Variants in PRKCA observed in about 807,000 individuals in gnomAD.
The protein encoded by PRKCA is protein kinase C alpha type.
Under a neutral mutation model 87.0 loss-of-function variants are expected in PRKCA, and 27 were observed. The observed-to-expected ratio is 0.31, with a 90% CI of 0.23 to 0.43. PRKCA has a LOEUF of 0.43. Among genes scored for constraint, PRKCA ranks in the 20% least tolerant of loss-of-function variants. The pLI, the probability that PRKCA is intolerant of heterozygous loss-of-function variation, is 1.00. For synonymous variants in PRKCA, 329 were observed against 311.1 expected, an observed-to-expected ratio of 1.06 and a Z score of -0.61; for missense variants, 518 against 852.3, an observed-to-expected ratio of 0.61 and a Z score of 4.88.
chr17:66,550,541 C>A (rs1209413910), intron 3 of PRKCA, among the ~76,000 whole-genome samples: 1 of 151,928 alleles, frequency 6.6e-6, no homozygotes, highest in Non-Finnish European at 1.5e-5. Flanking sequence ...CTCAGCTACT[C>A]GGGAGGCTGA....
intron 3 of PRKCA, among the ~76,000 whole-genome samples, chr17:66,591,848 T>C (rs1195656652): frequency 6.6e-6 from 1 of 152,062 alleles, no homozygotes; most frequent in Non-Finnish European, 1.5e-5. Context: ...AACCTAAACA[T>C]AACCATGTTG....
intron 2 of PRKCA, among the ~76,000 whole-genome samples, chr17:66,413,588 C>T (rs908166573): frequency 2.9e-4 from 44 of 152,172 alleles, no homozygotes; most frequent in Non-Finnish European, 5.9e-5. Context: ...CCAAGTGTCG[C>T]CTCATTAGAA....
intron 3 of PRKCA, among the ~76,000 whole-genome samples, chr17:66,506,750 A>T (rs1305473090): frequency 2.0e-5 from 3 of 152,046 alleles, no homozygotes; most frequent in Non-Finnish European, 2.9e-5. Flanking sequence ...CACTATTTGG[A>T]ATTTAGTTTA....
intron 2 of PRKCA, among the ~76,000 whole-genome samples, chr17:66,453,609 C>T (rs1287057554): frequency 3.9e-5 from 6 of 152,126 alleles, no homozygotes; most frequent in South Asian, 2.1e-4. Flanking sequence ...TGAGCCACTG[C>T]GCCCAGCCCC....
At chr17:66,432,742 AAGTGATACCACC>A (rs995611163) in intron 2 of PRKCA, among the ~76,000 whole-genome samples, 2 of 152,126 alleles carry the variant, frequency 1.3e-5, no homozygotes, top group African/African-American at 4.8e-5. Flanking sequence ...TTGATTGAAT[AAGTGATACCACC>A]AGTGCACTGA....
Position 66,804,100 on chromosome 17 carries a change from C to A in PRKCA, c.*63C>A. 6.5e-7 allele frequency: 1 copy of A among 1,546,604 alleles called. No homozygotes were observed. The highest frequency in any genetic ancestry group is 1.4e-5 in the African/African-American group (1 of 72,874). On this transcript the variant is annotated 3_prime_UTR_variant, in exon 17 of 17. Transcript: ENST00000413366. Reference sequence around the variant, plus strand: ...GCCCTCCCCGCAGTGGGAAGTGAATCCTTAACCCTAAAATTTTAAGGCCAC... The same window carrying A: ...GCCCTCCCCGCAGTGGGAAGTGAATACTTAACCCTAAAATTTTAAGGCCAC...
intron 8 of PRKCA, among the ~76,000 whole-genome samples, chr17:66,720,011 A>G (rs1385078790): frequency 6.6e-6 from 1 of 152,202 alleles, no homozygotes; most frequent in Non-Finnish European, 1.5e-5. Flanking sequence ...CCCAAACACC[A>G]TCCTAGGCAC....
intron 5 of PRKCA, among the ~76,000 whole-genome samples, chr17:66,683,991 CT>C (rs1035957017): frequency 2.6e-5 from 4 of 152,178 alleles, no homozygotes; most frequent in Admixed American, 6.5e-5. Flanking sequence ...GCTTCCCCAG[CT>C]TCCCCTCTTC....
intron 2 of PRKCA, among the ~76,000 whole-genome samples, chr17:66,464,875 G>C (rs190995371): frequency 2.2e-4 from 34 of 152,204 alleles, no homozygotes; most frequent in Admixed American, 1.8e-3. Flanking sequence ...ATGAAATCCA[G>C]CTTACCAATT....
At chr17:66,382,035 G>C (rs747881938) in intron 2 of PRKCA, among the ~76,000 whole-genome samples, 1 of 152,150 alleles carries the variant, frequency 6.6e-6, no homozygotes, top group Non-Finnish European at 1.5e-5. Flanking sequence ...TCCTCTGTTT[G>C]TCACCATTAT....
intron 3 of PRKCA, among the ~76,000 whole-genome samples, chr17:66,558,869 TGCAGTTCAGAATGATGACCCTCGGACC>T (rs1968589747): frequency 6.6e-6 from 1 of 152,120 alleles, no homozygotes; most frequent in Non-Finnish European, 1.5e-5. Context: ...TAATCTGCCA[TGCAGTTCAGAATGATGACCCTCGGACC>T]GGGCATGCTT....
intron 2 of PRKCA, among the ~76,000 whole-genome samples, chr17:66,486,536 C>T (rs1346533656): frequency 6.6e-6 from 1 of 152,056 alleles, no homozygotes; most frequent in Non-Finnish European, 1.5e-5. Context: ...TCCCTCAACC[C>T]TCTCCAGCCC....
intron 2 of PRKCA, among the ~76,000 whole-genome samples, chr17:66,370,254 TG>T (rs1176131343): frequency 1.8e-5 from 2 of 111,948 alleles, no homozygotes; most frequent in African/African-American, 3.4e-5. Context: ...TTTTTTGAGA[TG>T]GAGTCTTGCT....
chr17:66,362,665 C>T (rs1364242342), intron 2 of PRKCA, among the ~76,000 whole-genome samples: 2 of 132,398 alleles, frequency 1.5e-5, no homozygotes, highest in Admixed American at 1.6e-4. Flanking sequence ...TAGTGAGGTG[C>T]CTTGCAGGTT....
chr17:66,401,931 T>A (rs1414355630), intron 2 of PRKCA, among the ~76,000 whole-genome samples: 1 of 152,168 alleles, frequency 6.6e-6, no homozygotes, highest in African/African-American at 2.4e-5. Context: ...GTGAGTCAAA[T>A]TTGACAGATT....
At chr17:66,371,959 T>A (rs563751375) in intron 2 of PRKCA, among the ~76,000 whole-genome samples, 1 of 152,318 alleles carries the variant, frequency 6.6e-6, no homozygotes, top group African/African-American at 2.4e-5. Flanking sequence ...TCTAAACAAA[T>A]GTAGAAAAGT....
At chr17:66,774,623 A>G in intron 14 of PRKCA, 1 of 987,604 alleles carries the variant, frequency 1.0e-6, no homozygotes, top group Non-Finnish European at 1.2e-6. Flanking sequence ...GGTCTCAAAA[A>G]AGAAAAAAAT....
At chr17:66,737,081 G>A (rs980358184) in intron 10 of PRKCA, among the ~76,000 whole-genome samples, 18 of 152,228 alleles carry the variant, frequency 1.2e-4, no homozygotes, top group Admixed American at 5.9e-4. Context: ...GGCCGGGCGC[G>A]GTGGCTCACG....
chr17:66,765,851 A>G (rs576218989), intron 13 of PRKCA, among the ~76,000 whole-genome samples: 1 of 152,294 alleles, frequency 6.6e-6, no homozygotes, highest in East Asian at 1.9e-4. Flanking sequence ...TTTATTAACC[A>G]CAACTGCTCA....
Sources: allele counts gnomAD v4.1 joint callset (sites outside exome capture counted in the v4.1 genomes callset), GRCh38; gene constraint gnomAD v4.1.1; transcripts MANE v1.5; gene names NCBI Gene and HGNC (gene_info 2026-07-23, HGNC 2026-07-21).